OCA2: variants seen among roughly 807,000 people sequenced by gnomAD.
The protein encoded by OCA2 is P protein.
In OCA2, 77 loss-of-function variants were observed where a neutral mutation model predicts 100.2. The ratio of observed to expected loss-of-function variants is 0.77; its 90% CI spans 0.64 to 0.93. The LOEUF is 0.93. OCA2 is among the 40% of genes least tolerant of loss of function. OCA2 has a pLI of 0.00. For missense variants in OCA2, 1,062 were observed against 1,089.1 expected (o/e 0.98, Z 0.35); for synonymous variants, 432 against 439.2 (o/e 0.98, Z 0.21).
At chr15:28,054,250 ATG>A (rs1204682499) in intron 2 of OCA2, among the ~76,000 whole-genome samples, 6 of 152,148 alleles carry the variant, frequency 3.9e-5, no homozygotes, top group Non-Finnish European at 5.9e-5. Flanking sequence ...ACATGTATAA[ATG>A]TGTGTGGATG....
intron 19 of OCA2, among the ~76,000 whole-genome samples, chr15:27,880,650 C>T (rs1445012420): frequency 6.6e-6 from 1 of 152,122 alleles, no homozygotes. Context: ...TATGATTTCA[C>T]TCTCTGCTTG....
intron 19 of OCA2, among the ~76,000 whole-genome samples, chr15:27,880,080 T>G (rs1244213258): frequency 6.6e-6 from 1 of 152,186 alleles, no homozygotes; most frequent in Non-Finnish European, 1.5e-5. Flanking sequence ...GGCTGGCCAG[T>G]TTTCCCAGCA....
chr15:27,755,438 C>T lies in OCA2; in HGVS notation c.2467G>A (p.Val823Ile). 2 of 1,613,982 alleles carry T rather than the reference C, an allele frequency of 1.2e-6. No individual in the cohort carries two copies. The highest frequency in any genetic ancestry group is 1.7e-6 in the Non-Finnish European group (2 of 1,179,878). Reference protein sequence around the residue: ...GFPMMVVSCTVGMCYLLVAHV... With the variant: ...GFPMMVVSCTIGMCYLLVAHV... Reference sequence around the variant, plus strand: ...GCCACAAGGAGATAACACATCCCAACAGTGCAGGACACAACCATCATTGGG... The same window carrying T: ...GCCACAAGGAGATAACACATCCCAATAGTGCAGGACACAACCATCATTGGG... The change falls in exon 24 of 24, where the codon GTT (valine) becomes ATT (isoleucine). Residue 823 changes from valine to isoleucine, a missense_variant. Physicochemically the swap from Val to Ile is conservative, Grantham distance 29 (BLOSUM62 3). Transcript: ENST00000354638.
intron 14 of OCA2, among the ~76,000 whole-genome samples, chr15:27,970,041 C>T (rs1255224706): frequency 2.6e-5 from 4 of 152,112 alleles, no homozygotes; most frequent in Admixed American, 2.0e-4. Flanking sequence ...TGCAGGAATG[C>T]GTGTGGGCCA....
intron 23 of OCA2, among the ~76,000 whole-genome samples, chr15:27,844,120 C>G (rs1020217604): frequency 2.0e-5 from 3 of 152,334 alleles, no homozygotes; most frequent in South Asian, 2.1e-4. Flanking sequence ...TACTCACACA[C>G]AGACGTGTCA....
At chr15:27,840,276 CAA>C (rs2035297095) in intron 23 of OCA2, among the ~76,000 whole-genome samples, 1 of 152,026 alleles carries the variant, frequency 6.6e-6, no homozygotes, top group Non-Finnish European at 1.5e-5. Flanking sequence ...AGAAATACAT[CAA>C]AGTCTTATTT....
At chr15:27,806,481 G>A (rs897365517) in intron 23 of OCA2, among the ~76,000 whole-genome samples, 5 of 152,098 alleles carry the variant, frequency 3.3e-5, no homozygotes, top group Non-Finnish European at 5.9e-5. Flanking sequence ...CCCCGGCTCC[G>A]CTCCCTGGGC....
At chr15:27,757,700 A>C (rs2030496172) in intron 23 of OCA2, among the ~76,000 whole-genome samples, 1 of 152,224 alleles carries the variant, frequency 6.6e-6, no homozygotes, top group Non-Finnish European at 1.5e-5. Flanking sequence ...TAAGAGAGCT[A>C]TGAGGATTCC....
chr15:28,081,996 C>A, intron 1 of OCA2, 101 bp from the exon 2 acceptor site: 1 of 993,188 alleles, frequency 1.0e-6, no homozygotes, highest in Non-Finnish European at 1.5e-6. Context: ...TCTTCGGAGG[C>A]GGTCCCAGAG....
intron 19 of OCA2, among the ~76,000 whole-genome samples, chr15:27,873,680 T>C (rs564436824): frequency 1.3e-5 from 2 of 152,332 alleles, no homozygotes; most frequent in South Asian, 2.1e-4. Flanking sequence ...CTAAATATCA[T>C]GCTCTGCGTT....
At chr15:27,895,958 T>C in intron 19 of OCA2, 1 of 708,924 alleles carries the variant, frequency 1.4e-6, no homozygotes, top group Non-Finnish European at 2.6e-6. Flanking sequence ...ACTACGAAAA[T>C]ATGGTTTGAA....
chr15:27,980,629 T>C (rs2041129525), intron 14 of OCA2, among the ~76,000 whole-genome samples: 1 of 152,186 alleles, frequency 6.6e-6, no homozygotes, highest in African/African-American at 2.4e-5. Context: ...TTTTTGTACA[T>C]AAGAAAAAGA....
chr15:27,844,078 GC>G (rs2035442112), intron 23 of OCA2, among the ~76,000 whole-genome samples: 1 of 152,124 alleles, frequency 6.6e-6, no homozygotes, highest in South Asian at 2.1e-4. Flanking sequence ...CCTCCATTCT[GC>G]CCCCTCACCT....
the OCA2 span, among the ~76,000 whole-genome samples, chr15:27,722,788 C>CTT: frequency 1.6e-4 from 23 of 143,698 alleles, no homozygotes; most frequent in South Asian, 5.0e-3. Flanking sequence ...CTTTCTCTCT[C>CTT]TCTCTCTCTC....
intron 21 of OCA2, among the ~76,000 whole-genome samples, chr15:27,862,667 C>T (rs1040638708): frequency 2.0e-5 from 3 of 151,944 alleles, no homozygotes; most frequent in African/African-American, 7.3e-5. Flanking sequence ...TAGAGACAGG[C>T]TTTTACCATG....
intron 18 of OCA2, among the ~76,000 whole-genome samples, chr15:27,930,836 G>T (rs1304504418): frequency 2.0e-5 from 3 of 151,866 alleles, no homozygotes; most frequent in Non-Finnish European, 4.4e-5. Context: ...CAACTCTAAG[G>T]TTCACTGAAT....
chr15:27,751,232 G>A (rs769537676), downstream of OCA2, among the ~76,000 whole-genome samples: 4 of 152,156 alleles, frequency 2.6e-5, no homozygotes, highest in Admixed American at 6.5e-5. Context: ...TGCTAAGTCC[G>A]CATAATAATT....
At position 28,081,712 on chromosome 15, in the gene OCA2, C is replaced by T. The variant is rs749418896; in HGVS notation, c.163G>A (p.Ala55Thr). Reference protein sequence around the residue: ...ADPSHSCPRGAAGQSSWAPAG... With the variant: ...ADPSHSCPRGTAGQSSWAPAG... ...GGAGCCCAAGAGCTCTGCCCGGCAGCCCCCCTGGGGCAGGAGTGCGAGGGG... is the reference window on the plus strand; with the variant it reads ...GGAGCCCAAGAGCTCTGCCCGGCAGTCCCCCTGGGGCAGGAGTGCGAGGGG... The change falls in exon 2 of 24, where the codon GCT (alanine) becomes ACT (threonine). Residue 55 changes from alanine to threonine, a missense_variant. Transcript: ENST00000354638. The T allele has an allele frequency of 5.0e-6, 8 of 1,613,776 alleles. No individual in the cohort carries two copies. In the African/African-American group the frequency reaches 6.7e-5, roughly 13 times the overall value.
the OCA2 span, among the ~76,000 whole-genome samples, chr15:27,742,684 G>A: frequency 1.5e-3 from 230 of 152,242 alleles, no homozygotes; most frequent in Middle Eastern, 6.8e-3. Flanking sequence ...GAACCTAACC[G>A]GCTATAATCT....
Sources: gnomAD v4.1 joint callset for allele counts (sites outside exome capture counted in the v4.1 genomes callset) on GRCh38, gnomAD v4.1.1 for gene constraint, MANE v1.5 for transcripts, NCBI Gene and HGNC (gene_info 2026-07-23, HGNC 2026-07-21) for gene names.